The following SPMIP2 variants were observed in gnomAD, a reference collection of about 807,000 sequenced individuals.
SPMIP2 encodes protein SPMIP2.
chr4:159,025,716 TA>T, the SPMIP2 span, among the ~76,000 whole-genome samples: 4 of 152,132 alleles, frequency 2.6e-5, no homozygotes, highest in Admixed American at 2.0e-4. Context: ...AAAAACAGTT[TA>T]AAAAAATTAT....
At chr4:158,990,662 AC>A in the SPMIP2 span, among the ~76,000 whole-genome samples, 4 of 152,114 alleles carry the variant, frequency 2.6e-5, no homozygotes, top group African/African-American at 7.2e-5. Context: ...CCATGTTCTC[AC>A]TCATAAGTGG....
the SPMIP2 span, among the ~76,000 whole-genome samples, chr4:158,930,551 G>A: frequency 6.6e-6 from 1 of 151,068 alleles, no homozygotes; most frequent in Non-Finnish European, 1.5e-5. Context: ...GAGTGTAGTG[G>A]TGGGATCAGA....
At chr4:158,921,235 A>G in the SPMIP2 span, among the ~76,000 whole-genome samples, 1 of 152,094 alleles carries the variant, frequency 6.6e-6, no homozygotes, top group Non-Finnish European at 1.5e-5. Context: ...GGTCCGGAGT[A>G]CAAGACCAGC....
At chr4:159,076,222 C>T in the SPMIP2 span, among the ~76,000 whole-genome samples, 3 of 152,230 alleles carry the variant, frequency 2.0e-5, no homozygotes, top group Non-Finnish European at 4.4e-5. Flanking sequence ...AAACCTTGGT[C>T]TGTGTCATTC....
At chr4:158,985,415 C>T in the SPMIP2 span, among the ~76,000 whole-genome samples, 1 of 151,064 alleles carries the variant, frequency 6.6e-6, no homozygotes, top group South Asian at 2.1e-4. Flanking sequence ...TCCAGCAGCA[C>T]ATCAAAAAGC....
chr4:158,915,240 C>T, the SPMIP2 span: 1 of 1,613,700 alleles, frequency 6.2e-7, no homozygotes, highest in Non-Finnish European at 8.5e-7. Context: ...CTTACACTGC[C>T]TAACAAGAAT....
chr4:158,915,127 C>G, the SPMIP2 span: 9 of 1,539,972 alleles, frequency 5.8e-6, no homozygotes, highest in South Asian at 8.4e-5. Flanking sequence ...GTTAAAGCAG[C>G]CTGACTTTTT....
the SPMIP2 span, among the ~76,000 whole-genome samples, chr4:159,018,996 A>G: frequency 6.6e-6 from 1 of 152,156 alleles, no homozygotes; most frequent in Non-Finnish European, 1.5e-5. Context: ...AGGCTGAGGC[A>G]GGAGAATGGC....
chr4:158,895,914 G>T, the SPMIP2 span: 1 of 1,340,422 alleles, frequency 7.5e-7, no homozygotes, highest in Non-Finnish European at 1.1e-6. Context: ...GGTATCCCTA[G>T]CATTGTACCC....
the SPMIP2 span, among the ~76,000 whole-genome samples, chr4:158,904,212 T>G: frequency 6.6e-6 from 1 of 152,148 alleles, no homozygotes; most frequent in African/African-American, 2.4e-5. Flanking sequence ...GAAAAAGAGC[T>G]TTATGTCCAC....
the SPMIP2 span, among the ~76,000 whole-genome samples, chr4:158,972,177 C>A: frequency 6.6e-6 from 1 of 152,198 alleles, no homozygotes; most frequent in Non-Finnish European, 1.5e-5. Context: ...GCCTGGCCAG[C>A]ATGGCGAAAC....
the SPMIP2 span, among the ~76,000 whole-genome samples, chr4:158,898,658 C>T: frequency 1.0e-2 from 1,516 of 152,150 alleles, 23 homozygotes; most frequent in African/African-American, 0.034. Context: ...TGTATAGGAA[C>T]GCATGTGATT....
the SPMIP2 span, among the ~76,000 whole-genome samples, chr4:159,000,667 T>C: frequency 6.6e-6 from 1 of 151,970 alleles, no homozygotes; most frequent in Non-Finnish European, 1.5e-5. Flanking sequence ...CTAGTTTTTG[T>C]ATTTTTAGTA....
At chr4:158,940,562 T>TTA in the SPMIP2 span, among the ~76,000 whole-genome samples, 1 of 150,498 alleles carries the variant, frequency 6.6e-6, no homozygotes, top group African/African-American at 2.4e-5. Flanking sequence ...GTTCCTTCTT[T>TTA]TTTTTTTTTT....
chr4:159,064,503 ACT>A, the SPMIP2 span: 1 of 152,114 alleles, frequency 6.6e-6, no homozygotes, highest in East Asian at 1.9e-4. Context: ...GAAATTCTTC[ACT>A]GTTTCTTGTT....
chr4:158,984,291 A>G, the SPMIP2 span, among the ~76,000 whole-genome samples: 4 of 113,228 alleles, frequency 3.5e-5, no homozygotes, highest in Non-Finnish European at 7.6e-5. Context: ...CCTAATAGAC[A>G]TCTACAGAAC....
the SPMIP2 span, among the ~76,000 whole-genome samples, chr4:159,039,448 C>A: frequency 6.6e-6 from 1 of 152,032 alleles, no homozygotes; most frequent in African/African-American, 2.4e-5. Context: ...GTAAGAATGA[C>A]CCCCAGTTTT....
At chr4:158,899,794 C>A in the SPMIP2 span, among the ~76,000 whole-genome samples, 1 of 152,096 alleles carries the variant, frequency 6.6e-6, no homozygotes, top group African/African-American at 2.4e-5. Flanking sequence ...TTTCAAAAAA[C>A]CAGCTCCTGG....
chr4:158,895,527 A>T, the SPMIP2 span, among the ~76,000 whole-genome samples: 1 of 152,252 alleles, frequency 6.6e-6, no homozygotes, highest in African/African-American at 2.4e-5. Context: ...AATAATACAT[A>T]TGTAAATCTT....
Sources: allele counts gnomAD v4.1 joint callset (sites outside exome capture counted in the v4.1 genomes callset), GRCh38; gene constraint gnomAD v4.1.1; transcripts MANE v1.5; gene names NCBI Gene and HGNC (gene_info 2026-07-23, HGNC 2026-07-21).